Variants in LARGE1 observed in about 807,000 individuals in gnomAD.
LARGE1 encodes LARGE xylosyl- and glucuronyltransferase 1, also known as xylosyl- and glucuronyltransferase LARGE1.
LARGE1 carries 43 observed loss-of-function variants against 87.6 expected under a neutral mutation model. The ratio of observed to expected loss-of-function variants is 0.49; its 90% CI spans 0.38 to 0.63. The LOEUF (loss-of-function observed/expected upper bound fraction) is 0.63. LARGE1 is among the 30% of genes least tolerant of loss of function. The pLI, the probability that LARGE1 is intolerant of heterozygous loss-of-function variation, is 0.00. For synonymous variants in LARGE1, 434 were observed against 394.6 expected (o/e 1.10, Z -1.18); for missense variants, 802 against 1,000.2 (o/e 0.80, Z 2.67).
At position 33,650,525 on chromosome 22, in the gene LARGE1, T is replaced by A. The variant is rs2080764891; in HGVS notation, c.250A>T (p.Ser84Cys). The A allele has an allele frequency of 6.2e-7, 1 of 1,612,236 alleles. No individual in the cohort carries two copies. ...GATGGGGCTCGGCCCTGGGCCAGGC[T>A]GAGCTGCCTGCGGAGGGCGCGGTTC... is the stretch of plus-strand genomic sequence containing the variant. The part of the protein sequence containing the change: ...EENRALRRQL[S>C]LAQGRAPSHR... Residue 84 changes from serine to cysteine, a missense_variant, in exon 3 of 15, where the codon AGC (serine) becomes TGC (cysteine). Physicochemically the swap from Ser to Cys is moderately radical, Grantham distance 112. Coordinates refer to ENST00000397394, the MANE Select transcript of LARGE1 (RefSeq NM_133642.5).
intron 2 of LARGE1, among the ~76,000 whole-genome samples, chr22:33,730,776 C>T (rs750034043): frequency 3.3e-5 from 5 of 151,778 alleles, no homozygotes; most frequent in Admixed American, 6.6e-5. Flanking sequence ...CTGCAACCTC[C>T]GCGCCTCCCT....
chr22:33,502,375 G>A (rs1442209815), intron 6 of LARGE1, among the ~76,000 whole-genome samples: 1 of 151,998 alleles, frequency 6.6e-6, no homozygotes, highest in Non-Finnish European at 1.5e-5. Context: ...GGTGTAAAGG[G>A]CCAGAGACGG....
chr22:33,912,654 T>C (rs1429684814), intron 1 of LARGE1, among the ~76,000 whole-genome samples: 5 of 152,262 alleles, frequency 3.3e-5, no homozygotes, highest in East Asian at 3.9e-4. Context: ...AGCCTGTGAT[T>C]ACCTGCAACT....
intron 11 of LARGE1, among the ~76,000 whole-genome samples, chr22:33,239,410 A>G (rs1476429037): frequency 6.6e-6 from 1 of 152,102 alleles, no homozygotes; most frequent in Non-Finnish European, 1.5e-5. Flanking sequence ...CGGGTGTGAA[A>G]TGGTATATCA....
At chr22:33,139,161 T>C in the LARGE1 span, among the ~76,000 whole-genome samples, 1 of 152,144 alleles carries the variant, frequency 6.6e-6, no homozygotes, top group African/African-American at 2.4e-5. Flanking sequence ...CCTTTTCCTT[T>C]ATAAATTACC....
At chr22:33,718,266 C>A (rs892482423) in intron 2 of LARGE1, among the ~76,000 whole-genome samples, 9 of 152,150 alleles carry the variant, frequency 5.9e-5, no homozygotes, top group African/African-American at 2.2e-4. Context: ...GAACCCCCGG[C>A]TAAGTGTGAC....
intron 6 of LARGE1, among the ~76,000 whole-genome samples, chr22:33,470,194 A>G (rs1569192206): frequency 6.6e-6 from 1 of 152,062 alleles, no homozygotes; most frequent in East Asian, 1.9e-4. Context: ...CTGGCCTACT[A>G]TGTTTACTCT....
At chr22:33,424,997 C>G (rs952061660) in intron 7 of LARGE1, among the ~76,000 whole-genome samples, 1 of 152,118 alleles carries the variant, frequency 6.6e-6, no homozygotes, top group Non-Finnish European at 1.5e-5. Context: ...GGCGCGGCAG[C>G]TCACGCCTGT....
chr22:33,850,014 C>T (rs2063543487), intron 1 of LARGE1, among the ~76,000 whole-genome samples: 1 of 152,154 alleles, frequency 6.6e-6, no homozygotes, highest in Admixed American at 6.6e-5. Context: ...GGTCAGATGG[C>T]TGGTAGGGGG....
intron 1 of LARGE1, among the ~76,000 whole-genome samples, chr22:33,865,308 C>A (rs930207423): frequency 2.6e-5 from 4 of 152,220 alleles, no homozygotes; most frequent in Non-Finnish European, 4.4e-5. Context: ...CGGACCTTCT[C>A]TTCTTCTCAC....
At chr22:33,366,293 C>T (rs928533466) in intron 9 of LARGE1, among the ~76,000 whole-genome samples, 14 of 152,216 alleles carry the variant, frequency 9.2e-5, no homozygotes. Flanking sequence ...CTCTTGCACG[C>T]TCTCCTCTTT....
At chr22:33,869,132 T>C (rs2064198132) in intron 1 of LARGE1, among the ~76,000 whole-genome samples, 1 of 152,180 alleles carries the variant, frequency 6.6e-6, no homozygotes, top group African/African-American at 2.4e-5. Context: ...TTCTGATCAA[T>C]GCTCATCATT....
chr22:33,433,447 T>C (rs1287090018), intron 6 of LARGE1, among the ~76,000 whole-genome samples: 1 of 151,590 alleles, frequency 6.6e-6, no homozygotes, highest in African/African-American at 2.4e-5. Context: ...ATACAAAAAA[T>C]TAGCCAGGCG....
At position 33,221,733 on chromosome 22, in the gene LARGE1, T is replaced by C. The variant is rs1206874932; in HGVS notation, c.1731-54901A>G. ...TCCATTCCCGCCTCTACTTCCTGGATACTGACTCATTGTGGACTGCCTCTT... is the reference window on the plus strand; with the variant it reads ...TCCATTCCCGCCTCTACTTCCTGGACACTGACTCATTGTGGACTGCCTCTT... On this transcript the variant is annotated intron_variant, in intron 11 of 11. Transcript: ENST00000608642. The C allele has an allele frequency of 2.6e-5, 4 of 152,252 alleles. No homozygotes were observed. The East Asian group carries it at 5.8e-4, about 22-fold the overall frequency. 9.4% of individuals were successfully genotyped at this position (152,252 alleles called of 1,614,324 possible).
chr22:33,785,646 G>A (rs1448568307), intron 1 of LARGE1, among the ~76,000 whole-genome samples: 1 of 151,938 alleles, frequency 6.6e-6, no homozygotes, highest in African/African-American at 2.4e-5. Flanking sequence ...CAACTGGAGG[G>A]GAAAAAAAAC....
chr22:33,244,325 G>C (rs1926659182), intron 11 of LARGE1, among the ~76,000 whole-genome samples: 1 of 152,088 alleles, frequency 6.6e-6, no homozygotes, highest in African/African-American at 2.4e-5. Flanking sequence ...CATATTCACT[G>C]TCTAGTTCAA....
chr22:33,485,572 T>C (rs1368141897), intron 6 of LARGE1, among the ~76,000 whole-genome samples: 1 of 152,238 alleles, frequency 6.6e-6, no homozygotes, highest in Non-Finnish European at 1.5e-5. Flanking sequence ...GAAATAACTG[T>C]AATCCCATTA....
At chr22:33,434,401 A>G (rs1192044463) in intron 6 of LARGE1, among the ~76,000 whole-genome samples, 1 of 152,184 alleles carries the variant, frequency 6.6e-6, no homozygotes, top group Non-Finnish European at 1.5e-5. Context: ...CCCGGGTTCA[A>G]GTAACTCCCC....
At chr22:33,208,070 A>G (rs2146225258) in intron 11 of LARGE1, among the ~76,000 whole-genome samples, 1 of 152,234 alleles carries the variant, frequency 6.6e-6, no homozygotes, top group African/African-American at 2.4e-5. Context: ...CCATGCTTTC[A>G]TTTTACAAAG....
Sources: gnomAD v4.1 joint callset for allele counts (sites outside exome capture counted in the v4.1 genomes callset) on GRCh38, gnomAD v4.1.1 for gene constraint, MANE v1.5 for transcripts, NCBI Gene and HGNC (gene_info 2026-07-23, HGNC 2026-07-21) for gene names.